RASGRP3: variants seen among roughly 807,000 people sequenced by gnomAD.
RASGRP3 encodes RAS guanyl releasing protein 3.
In RASGRP3, 54 loss-of-function variants were observed where a neutral mutation model predicts 82.7. The ratio of observed to expected loss-of-function variants is 0.65; its 90% CI spans 0.52 to 0.82. The LOEUF (loss-of-function observed/expected upper bound fraction) is 0.82. Among genes scored for constraint, RASGRP3 ranks in the 40% least tolerant of loss-of-function variants. RASGRP3 has a pLI of 0.00. For missense variants in RASGRP3, 861 were observed against 828.9 expected (o/e 1.04, Z -0.48); for synonymous variants, 309 against 300.5 (o/e 1.03, Z -0.29).
Position 33,534,317 on chromosome 2 carries a change from T to C in RASGRP3, c.1084-6T>C, listed in dbSNP as rs1380301840. ...GACATTTTTATCCCTTCTAATTTTGTTGTAGCTTTCCCTGGACCTCTATCA... is the reference window on the plus strand; with the variant it reads ...GACATTTTTATCCCTTCTAATTTTGCTGTAGCTTTCCCTGGACCTCTATCA... On this transcript the variant is annotated splice_polypyrimidine_tract_variant and splice_region_variant and intron_variant, in intron 10 of 17. Transcript: ENST00000403687. 1.3e-6 allele frequency: 2 copies of C among 1,544,530 alleles called. No homozygotes were observed. The highest frequency in any genetic ancestry group is 3.4e-5 in the Admixed American group (2 of 59,084).
chr2:33,558,788 G>C lies in RASGRP3; in HGVS notation c.1822G>C (p.Ala608Pro), dbSNP rs1574508220. 6.2e-7 allele frequency: 1 copy of C among 1,613,984 alleles called. No homozygotes were observed. Residue 608 changes from alanine (A) to proline (P), a missense_variant, in exon 17 of 18, where the codon GCC (alanine) becomes CCC (proline). By Grantham distance (27) the Ala-to-Pro change is conservative (BLOSUM62 -1). Transcript: ENST00000403687. ...SRKISVRLQR[A>P]TTSQATQTEP... Reference sequence around the variant, plus strand: ...CAAGATCTCTGTGAGGCTACAGAGGGCCACCACCAGCCAGGCCACCCAGAC... The same window carrying C: ...CAAGATCTCTGTGAGGCTACAGAGGCCCACCACCAGCCAGGCCACCCAGAC...
At chr2:33,541,255 C>T (rs1406033152) in intron 12 of RASGRP3, among the ~76,000 whole-genome samples, 1 of 146,986 alleles carries the variant, frequency 6.8e-6, no homozygotes, top group Non-Finnish European at 1.5e-5. Context: ...AAAAGCTTTA[C>T]TTTCAGGTCT....
In RASGRP3 at chr2:33,549,950, G is replaced by A. The variant is rs75596232; in HGVS notation, c.1542+199G>A. 2.3e-3 allele frequency among the ~76,000 whole-genome samples: 351 copies of A among 152,354 alleles called. 1 individual carries two copies. The highest frequency in any genetic ancestry group is 8.2e-3 in the African/African-American group (342 of 41,572). The stretch of plus-strand genomic sequence containing the variant: ...TAGGAATGCAGGGCTAGCAAAAACA[G>A]GGAAGGCTGGTGAGGGCTGTTAACT... On this transcript the variant is annotated intron_variant, in intron 14 of 17. Transcript: ENST00000403687.
chr2:33,537,365 T>A (rs1673757121), intron 11 of RASGRP3, among the ~76,000 whole-genome samples: 1 of 131,490 alleles, frequency 7.6e-6, no homozygotes, highest in Non-Finnish European at 1.5e-5. Flanking sequence ...TCTATAAATG[T>A]AATTTTTTTT....
intron 1 of RASGRP3, chr2:33,493,251 C>G (rs76165862): frequency 6.6e-6 from 1 of 152,146 alleles, no homozygotes; most frequent in East Asian, 1.9e-4. Flanking sequence ...TTGCTCCAGA[C>G]GAATCCACTT....
At chr2:33,487,133 A>C (rs1275906397) in intron 1 of RASGRP3, among the ~76,000 whole-genome samples, 2 of 152,172 alleles carry the variant, frequency 1.3e-5, no homozygotes, top group African/African-American at 2.4e-5. Context: ...TCCATCCGTA[A>C]ATATTTTAGT....
chr2:33,451,191 A>G (rs1665781960), intron 2 of RASGRP3, among the ~76,000 whole-genome samples: 1 of 151,744 alleles, frequency 6.6e-6, no homozygotes, highest in African/African-American at 2.4e-5. Context: ...CCTATTGGCC[A>G]TTTGTATTTC....
intron 2 of RASGRP3, among the ~76,000 whole-genome samples, chr2:33,457,691 C>G (rs368054200): frequency 1.3e-5 from 2 of 152,052 alleles, no homozygotes; most frequent in Non-Finnish European, 2.9e-5. Context: ...TTCCCTTTCA[C>G]AAATGAGGAA....
intron 1 of RASGRP3, chr2:33,481,586 G>A (rs1278872629): frequency 6.6e-6 from 1 of 152,234 alleles, no homozygotes; most frequent in Non-Finnish European, 1.5e-5. Context: ...GATAGGCAAA[G>A]AGTGACTGGA....
At chr2:33,484,273 CA>C (rs2150945282) in intron 1 of RASGRP3, among the ~76,000 whole-genome samples, 1 of 152,306 alleles carries the variant, frequency 6.6e-6, no homozygotes, top group East Asian at 1.9e-4. Flanking sequence ...TTGTGACTAT[CA>C]GGGATGAATC....
chr2:33,509,213 CGACA>C (rs1670692824), intron 1 of RASGRP3, among the ~76,000 whole-genome samples: 1 of 151,982 alleles, frequency 6.6e-6, no homozygotes, highest in Non-Finnish European at 1.5e-5. Context: ...CCAGCCTGGC[CGACA>C]TGGGGAAATG....
intron 7 of RASGRP3, among the ~76,000 whole-genome samples, chr2:33,523,397 G>A (rs1300407763): frequency 2.0e-5 from 3 of 151,712 alleles, no homozygotes; most frequent in Non-Finnish European, 4.4e-5. Context: ...CCTGGGAGGC[G>A]GAGATTGCAG....
chr2:33,470,972 A>G (rs1289264684), intron 2 of RASGRP3, among the ~76,000 whole-genome samples: 1 of 152,010 alleles, frequency 6.6e-6, no homozygotes, highest in Non-Finnish European at 1.5e-5. Flanking sequence ...AAATGTCTAG[A>G]ACAGTGTTAA....
intron 9 of RASGRP3, 100 bp downstream of exon 9, chr2:33,524,648 T>A (rs1436059725): frequency 1.1e-6 from 1 of 916,570 alleles, no homozygotes; most frequent in Admixed American, 2.7e-5. Context: ...TGGGAAAGTT[T>A]TCCTCTTAAA....
chr2:33,478,322 G>A (rs17013095), intron 1 of RASGRP3, among the ~76,000 whole-genome samples: 25,744 of 152,096 alleles, frequency 0.17, 2,525 homozygotes, highest in African/African-American at 0.27. Context: ...TGGCATTTGT[G>A]TGAGGTCCTT....
At chr2:33,477,097 A>G in intron 1 of RASGRP3, among the ~76,000 whole-genome samples, 1 of 152,178 alleles carries the variant, frequency 6.6e-6, no homozygotes, top group East Asian at 1.9e-4. Flanking sequence ...TGATGACTAG[A>G]TTTGATTTTA....
intron 1 of RASGRP3, among the ~76,000 whole-genome samples, chr2:33,508,144 G>C (rs1405214851): frequency 1.3e-5 from 2 of 152,190 alleles, no homozygotes; most frequent in African/African-American, 2.4e-5. Flanking sequence ...GAGAAATTGA[G>C]AGTGGAGGGG....
chr2:33,526,036 T>G (rs1200262596), intron 9 of RASGRP3, among the ~76,000 whole-genome samples: 1 of 152,206 alleles, frequency 6.6e-6, no homozygotes, highest in East Asian at 1.9e-4. Flanking sequence ...TCATGAAAGT[T>G]GAAGATAGGG....
At chr2:33,436,439 G>C (rs990531917) in exon 1 of RASGRP3, 8 of 152,204 alleles carry the variant, frequency 5.3e-5, no homozygotes, top group African/African-American at 1.7e-4. Flanking sequence ...TTTTGAACTA[G>C]ATTTGGGCAA....
Sources: gnomAD v4.1 joint callset for allele counts (sites outside exome capture counted in the v4.1 genomes callset) on GRCh38, gnomAD v4.1.1 for gene constraint, MANE v1.5 for transcripts, NCBI Gene and HGNC (gene_info 2026-07-23, HGNC 2026-07-21) for gene names.